COL15A1: variants seen among roughly 807,000 people sequenced by gnomAD.
The protein encoded by COL15A1 is collagen type XV alpha 1 chain, also known as collagen alpha-1(XV) chain.
Under a neutral mutation model 165.9 loss-of-function variants are expected in COL15A1, and 111 were observed. The observed-to-expected ratio is 0.67, with a 90% CI of 0.57 to 0.78. The LOEUF (loss-of-function observed/expected upper bound fraction) is 0.78. Among genes scored for constraint, COL15A1 ranks in the 30% least tolerant of loss-of-function variants. COL15A1 has a pLI of 0.00. For missense variants in COL15A1, 1,745 were observed against 1,789.7 expected, an observed-to-expected ratio of 0.98 and a Z score of 0.45; for synonymous variants, 659 against 674.8, an observed-to-expected ratio of 0.98 and a Z score of 0.36.
In COL15A1 at chr9:99,044,629, G is replaced by T; in HGVS notation, c.2636G>T (p.Gly879Val). Residue 879 changes from glycine to valine, a missense_variant, in exon 25 of 42, where the codon GGG becomes GTG. Gly to Val is a moderately radical substitution (Grantham distance 109). Coordinates refer to ENST00000375001, the MANE Select transcript of COL15A1 (RefSeq NM_001855.5). ...TEDIPLERLM[G>V]KKGEPGMHGA... Reference sequence around the variant, plus strand: ...GACATTCCTCTGGAAAGGCTGATGGGGAAAAAGGTAATTATGTCACCAGAC... The same window carrying T: ...GACATTCCTCTGGAAAGGCTGATGGTGAAAAAGGTAATTATGTCACCAGAC... 1.9e-6 allele frequency: 3 copies of T among 1,614,086 alleles called. No individual in the cohort carries two copies. The highest frequency in any genetic ancestry group is 2.5e-6 in the Non-Finnish European group (3 of 1,179,982).
chr9:98,947,045 G>C (rs1017512152), intron 2 of COL15A1, among the ~76,000 whole-genome samples: 1 of 152,088 alleles, frequency 6.6e-6, no homozygotes, highest in Non-Finnish European at 1.5e-5. Context: ...CCACTCCTAA[G>C]TATCTACTTA....
At position 99,070,433 on chromosome 9, in the gene COL15A1, C is replaced by A; in HGVS notation, c.*547C>A. 1 of 273,482 alleles carries A rather than the reference C, an allele frequency of 3.7e-6. No individual in the cohort carries two copies. Among genetic ancestry groups the A allele is most frequent in the Non-Finnish European group, 7.3e-6 (1 of 136,602 alleles). The allele number at this position is 273,482 out of a possible 1,614,324, so 16.9% of individuals were successfully genotyped here. On this transcript the variant is annotated 3_prime_UTR_variant, in exon 42 of 42. Coordinates refer to ENST00000375001, the MANE Select transcript of COL15A1 (RefSeq NM_001855.5). ...GCTATCAGACTCTAATGTTTTTTTCCCTAAAATATTATTGCCATCATGCTT... is the reference window on the plus strand; with the variant it reads ...GCTATCAGACTCTAATGTTTTTTTCACTAAAATATTATTGCCATCATGCTT...
intron 4 of COL15A1, 66 bp from the exon 5 acceptor site, chr9:98,989,112 A>C (rs1838370873): frequency 8.0e-7 from 1 of 1,245,398 alleles, no homozygotes; most frequent in Non-Finnish European, 1.2e-6. Context: ...TAACTTTCCC[A>C]GTCATCCAAC....
At chr9:98,973,327 T>A (rs943321547) in intron 2 of COL15A1, among the ~76,000 whole-genome samples, 2 of 152,168 alleles carry the variant, frequency 1.3e-5, no homozygotes, top group Admixed American at 6.5e-5. Context: ...ATGCTATATA[T>A]GAAAACCGGA....
At position 99,036,401 on chromosome 9, in the gene COL15A1, G is replaced by A. The variant is rs779477721; in HGVS notation, c.2409+5G>A. 6.2e-7 allele frequency: 1 copy of A among 1,614,086 alleles called. No individual in the cohort carries two copies. Among genetic ancestry groups the A allele is most frequent in the Non-Finnish European group, 8.5e-7 (1 of 1,179,946 alleles). Reference sequence around the variant, plus strand: ...CACATCAAGGTCTTGTCTAATGTGAGTATCATTCAGGTCAGAGCTTGTCTA... The same window carrying A: ...CACATCAAGGTCTTGTCTAATGTGAATATCATTCAGGTCAGAGCTTGTCTA... On this transcript the variant is annotated splice_donor_5th_base_variant and intron_variant, in intron 21 of 41. Transcript: ENST00000375001.
At position 99,052,397 on chromosome 9, in the gene COL15A1, G is replaced by C. The variant is rs185414790; in HGVS notation, c.2914G>C (p.Ala972Pro). The C allele has an allele frequency of 2.2e-5, 36 of 1,611,876 alleles. No individual in the cohort carries two copies. The highest frequency in any genetic ancestry group is 3.1e-5 in the Non-Finnish European group (36 of 1,178,046). Residue 972 changes from alanine to proline, a missense_variant, in exon 31 of 42, where the codon GCT (alanine) becomes CCT (proline). Physicochemically the swap from Ala to Pro is conservative, Grantham distance 27. Transcript: ENST00000375001. ...RPHCKMPVDT[A>P]HPGSPELITF... ...CTTCCTCTCTTTCCAGGTTGATACT[G>C]CTCATCCTGGGAGTCCAGAGCTCAT...
chr9:98,999,398 C>T lies in COL15A1; in HGVS notation c.953-1441C>T, dbSNP rs77083848. Among the ~76,000 whole-genome samples, 908 of 152,190 alleles carry T rather than the reference C, an allele frequency of 6.0e-3. 4 individuals carry two copies. Among genetic ancestry groups the T allele is most frequent in the African/African-American group, 0.02 (823 of 41,512 alleles). On this transcript the variant is annotated intron_variant, in intron 6 of 41. Coordinates refer to ENST00000375001, the MANE Select transcript of COL15A1 (RefSeq NM_001855.5). Reference sequence around the variant, plus strand: ...TGCAGGAAGGTGGTGGGAGGGGTCCCGGTGGGCAGGACAGGTGGGCCAGCA... The same window carrying T: ...TGCAGGAAGGTGGTGGGAGGGGTCCTGGTGGGCAGGACAGGTGGGCCAGCA...
intron 1 of COL15A1, 35 bp downstream of exon 1, chr9:98,944,107 G>A (rs1837534481): frequency 1.4e-5 from 23 of 1,614,134 alleles, no homozygotes; most frequent in Non-Finnish European, 1.5e-5. Flanking sequence ...CGCGTCCCGG[G>A]CCCCTCCAAT....
In COL15A1 at chr9:98,943,965, C is replaced by A; in HGVS notation, c.-97C>A. ...CTTTGTTCCCTGCAGGAAGGGCGAG[C>A]GCGGCGGCCAGCGCTCAGCGACCCT... On this transcript the variant is annotated 5_prime_UTR_variant, in exon 1 of 42. Transcript: ENST00000375001. The A allele has an allele frequency of 6.5e-7, 1 of 1,533,518 alleles. No individual in the cohort carries two copies. The allele number at this position is 1,533,518 out of a possible 1,614,324, so 95.0% of individuals were successfully genotyped here. A position where few individuals can be genotyped will look rare whatever the true frequency, so the allele number is the denominator to read the frequency against.
intron 13 of COL15A1, among the ~76,000 whole-genome samples, chr9:99,022,946 G>A (rs536532263): frequency 6.6e-6 from 1 of 152,294 alleles, no homozygotes; most frequent in South Asian, 2.1e-4. Flanking sequence ...TAGAGGAGCC[G>A]ATGGACCCAC....
intron 26 of COL15A1, 133 bp from the exon 27 acceptor site, chr9:99,047,653 C>T: frequency 1.1e-6 from 1 of 902,636 alleles, no homozygotes; most frequent in Non-Finnish European, 1.8e-6. Flanking sequence ...GGGCTTCTAC[C>T]TGGCTCCCTG....
intron 2 of COL15A1, among the ~76,000 whole-genome samples, chr9:98,944,706 A>T (rs539818928): frequency 3.3e-4 from 50 of 152,332 alleles, no homozygotes; most frequent in African/African-American, 1.2e-3. Context: ...TCAAGAAATA[A>T]CGGAACTGAA....
chr9:99,044,733 A>G lies in COL15A1; in HGVS notation c.2644-2A>G. The G allele has an allele frequency of 1.2e-6, 2 of 1,613,786 alleles. No homozygotes were observed. Among genetic ancestry groups the G allele is most frequent in the Non-Finnish European group, 1.7e-6 (2 of 1,179,666 alleles). Reference sequence around the variant, plus strand: ...TGACAAGTATATATCTTCCTGTTTTAGGGTGAACCTGGAATGCATGGAGCC... The same window carrying G: ...TGACAAGTATATATCTTCCTGTTTTGGGGTGAACCTGGAATGCATGGAGCC... On this transcript the variant is annotated splice_acceptor_variant, in intron 25 of 41. Coordinates refer to ENST00000375001, the MANE Select transcript of COL15A1 (RefSeq NM_001855.5). LOFTEE classifies it high-confidence loss of function.
intron 16 of COL15A1, 130 bp from the exon 17 acceptor site, chr9:99,034,419 C>T: frequency 9.2e-6 from 13 of 1,407,488 alleles, no homozygotes; most frequent in Non-Finnish European, 1.2e-5. Flanking sequence ...TTGGAGACAC[C>T]AATCTGAGAC....
intron 2 of COL15A1, among the ~76,000 whole-genome samples, chr9:98,984,317 A>T (rs1838275802): frequency 1.3e-5 from 2 of 152,212 alleles, no homozygotes; most frequent in Non-Finnish European, 2.9e-5. Flanking sequence ...GCTAGTCTGC[A>T]GCTTTCTCCT....
intron 28 of COL15A1, among the ~76,000 whole-genome samples, chr9:99,049,325 A>G (rs1445060743): frequency 6.6e-6 from 1 of 152,218 alleles, no homozygotes; most frequent in African/African-American, 2.4e-5. Context: ...GTATACTGGG[A>G]ATGCACTGAT....
At chr9:98,979,687 A>T (rs7027650) in intron 2 of COL15A1, among the ~76,000 whole-genome samples, 73,821 of 151,498 alleles carry the variant, frequency 0.49, 19,237 homozygotes, top group African/African-American at 0.67. Flanking sequence ...TATGCAGAAC[A>T]TTTTTTTCTA....
At chr9:99,016,264 T>C in intron 11 of COL15A1, 145 bp downstream of exon 11, 1 of 999,834 alleles carries the variant, frequency 1.0e-6, no homozygotes, top group South Asian at 1.8e-5. Context: ...TTTGAGGAGC[T>C]TTAACCTGAG....
At chr9:99,069,026 G>A (rs1825941186) in intron 41 of COL15A1, among the ~76,000 whole-genome samples, 1 of 152,182 alleles carries the variant, frequency 6.6e-6, no homozygotes, top group African/African-American at 2.4e-5. Flanking sequence ...CAACTCCTGG[G>A]GATCCTGTAA....
Sources: gnomAD v4.1 joint callset for allele counts (sites outside exome capture counted in the v4.1 genomes callset) on GRCh38, gnomAD v4.1.1 for gene constraint, MANE v1.5 for transcripts, NCBI Gene and HGNC (gene_info 2026-07-23, HGNC 2026-07-21) for gene names.